Variants in TRIM7 observed in about 807,000 individuals in gnomAD.
TRIM7 encodes E3 ubiquitin-protein ligase TRIM7.
In TRIM7, 32 loss-of-function variants were observed where a neutral mutation model predicts 37.9. The observed-to-expected ratio is 0.84, with a 90% confidence interval of 0.64 to 1.13. The LOEUF (loss-of-function observed/expected upper bound fraction) is 1.13, where lower values mean the gene tolerates loss of function less well. Among genes scored for constraint, TRIM7 ranks in the 50% most tolerant of loss-of-function variants. TRIM7 has a pLI of 0.00. For synonymous variants in TRIM7, 351 were observed against 321.3 expected (o/e 1.09, Z -0.99); for missense variants, 732 against 714.0 (o/e 1.03, Z -0.29).
intron 6 of TRIM7, chr5:181,196,103 C>G: frequency 6.1e-6 from 1 of 162,842 alleles, no homozygotes; most frequent in Non-Finnish European, 1.3e-5. Flanking sequence ...TACAGTAGGC[C>G]AGGCGCAGTG....
intron 6 of TRIM7, chr5:181,197,524 G>C (rs1171229192): frequency 1.3e-5 from 2 of 152,950 alleles, no homozygotes; most frequent in East Asian, 3.8e-4. Flanking sequence ...ACAGCAGGGA[G>C]GATGTGTAGC....
chr5:181,202,812 C>A (rs382686), intron 2 of TRIM7: 58,604 of 151,498 alleles, frequency 0.39, 13,290 homozygotes, highest in African/African-American at 0.65. Flanking sequence ...GATCCGCCCA[C>A]CTCGGCCTCC....
chr5:181,203,712 A>T (rs1757649638), intron 1 of TRIM7, 72 bp from the exon 2 acceptor site: 1 of 1,536,930 alleles, frequency 6.5e-7, no homozygotes, highest in Non-Finnish European at 8.7e-7. Flanking sequence ...GCCTTCCTGG[A>T]GCCAGCCAGG....
chr5:181,196,237 A>T (rs1329749545), intron 6 of TRIM7: 4 of 152,096 alleles, frequency 2.6e-5, no homozygotes, highest in African/African-American at 9.7e-5. Context: ...AAAATAAAAT[A>T]AATTAGCCGG....
chr5:181,204,598 C>A lies in TRIM7; in HGVS notation c.513G>T (p.Gln171His). Reference sequence around the variant, plus strand: ...TGGGGGCTGCGCTCACCTTGGCCTCCTGCACCGCCTCGTCCAGCGGCAGCA... The same window carrying A: ...TGGGGGCTGCGCTCACCTTGGCCTCATGCACCGCCTCGTCCAGCGGCAGCA... The part of the protein sequence containing the change: ...HAVLPLDEAV[Q>H]EAKELLESRL... Residue 171 changes from glutamine to histidine, a missense_variant, in exon 1 of 7, where the codon CAG (glutamine) becomes CAT (histidine). Gln to His is a conservative substitution (Grantham distance 24). Coordinates refer to ENST00000274773, the MANE Select transcript of TRIM7 (RefSeq NM_203293.3). 1 of 1,439,638 alleles carries A rather than the reference C, an allele frequency of 6.9e-7. No homozygotes were observed. Among genetic ancestry groups the A allele is most frequent in the Non-Finnish European group, 9.0e-7 (1 of 1,106,400 alleles). The allele number at this position is 1,439,638 out of a possible 1,614,324, so 89.2% of individuals were successfully genotyped here. A position where few individuals can be genotyped will look rare whatever the true frequency, so the allele number is the denominator to read the frequency against.
chr5:181,199,305 G>A (rs2391741), intron 3 of TRIM7, 188 bp from the exon 4 acceptor site: 37,063 of 645,448 alleles, frequency 0.057, 6,818 homozygotes, highest in African/African-American at 0.49. Context: ...TCTCACCCAC[G>A]CAGTGGACCT....
At chr5:181,201,935 G>A (rs1757512358) in intron 2 of TRIM7, among the ~76,000 whole-genome samples, 1 of 152,190 alleles carries the variant, frequency 6.6e-6, no homozygotes, top group African/African-American at 2.4e-5. Flanking sequence ...CTCCAGTGGA[G>A]GAGGGATGAA....
intron 1 of TRIM7, chr5:181,204,116 C>A: frequency 1.0e-6 from 1 of 997,908 alleles, no homozygotes; most frequent in Non-Finnish European, 1.2e-6. Context: ...CGGCTTAACC[C>A]GGGAGCCCCC....
chr5:181,205,032 C>T lies in TRIM7; in HGVS notation c.79G>A (p.Ala27Thr). ...LALAAELQGEATCSICLELFR... is the reference protein window; with the variant it reads ...LALAAELQGETTCSICLELFR... ...AGCTCTAGGCAGATGGAGCACGTCG[C>T]CTCGCCCTGCAGCTCTGCCGCCAGC... The change falls in exon 1 of 7, where the codon GCG becomes ACG. Residue 27 changes from alanine (A) to threonine (T), a missense_variant. Ala to Thr is a moderately conservative substitution (Grantham distance 58). Transcript: ENST00000274773. 2.1e-6 allele frequency: 3 copies of T among 1,445,290 alleles called. No homozygotes were observed. The highest frequency in any genetic ancestry group is 2.7e-6 in the Non-Finnish European group (3 of 1,105,558). 89.5% of individuals were successfully genotyped at this position (1,445,290 alleles called of 1,614,324 possible).
intron 1 of TRIM7, 157 bp downstream of exon 1, chr5:181,204,432 C>G (rs1757694171): frequency 8.7e-7 from 1 of 1,155,668 alleles, no homozygotes; most frequent in Non-Finnish European, 1.1e-6. Context: ...GCGCTCAGCC[C>G]GGGAACCAGC....
At position 181,195,691 on chromosome 5, in the gene TRIM7, C is replaced by G. The variant is rs1285480156; in HGVS notation, c.1025-14G>C. On this transcript the variant is annotated splice_polypyrimidine_tract_variant and intron_variant, in intron 6 of 6. Coordinates refer to ENST00000274773, the MANE Select transcript of TRIM7 (RefSeq NM_203293.3). ...AGGTGAGCTCCACTGCAGACAGAGACAGGGAGAAATGTCCCCACGCAGCCA... is the reference window on the plus strand; with the variant it reads ...AGGTGAGCTCCACTGCAGACAGAGAGAGGGAGAAATGTCCCCACGCAGCCA... 2.2e-5 allele frequency: 33 copies of G among 1,510,902 alleles called. No homozygotes were observed. In the East Asian group the frequency reaches 7.4e-4, roughly 34 times the overall value. The allele number at this position is 1,510,902 out of a possible 1,614,324, so 93.6% of individuals were successfully genotyped here. A position where few individuals can be genotyped will look rare whatever the true frequency, so the allele number is the denominator to read the frequency against.
Position 181,198,751 on chromosome 5 carries a change from A to G in TRIM7, c.927T>C (p.Asn309=), listed in dbSNP as rs764859133. The part of the protein sequence containing the change: ...KPTTVSSEMK[N]KVWNVSLKTF... ...TCTTGAGAGAAACATTCCAGACTTT[A>G]TTCTTCATCTCAGAAGAGACTGTGG... Residue 309 remains asparagine (N), a synonymous_variant, in exon 5 of 7, where the codon AAT becomes AAC. Coordinates refer to ENST00000274773, the MANE Select transcript of TRIM7 (RefSeq NM_203293.3). 8 of 1,614,138 alleles carry G rather than the reference A, an allele frequency of 5.0e-6. No individual in the cohort carries two copies. The Admixed American group carries it at 1.0e-4, about 20-fold the overall frequency.
At chr5:181,200,707 A>G (rs1757430895) in intron 2 of TRIM7, 8 of 989,304 alleles carry the variant, frequency 8.1e-6, no homozygotes, top group African/African-American at 1.7e-5. Context: ...TTCCATTAAC[A>G]GCATACACCG....
At chr5:181,195,722 C>T (rs1451000695) in intron 6 of TRIM7, 45 bp from the exon 7 acceptor site, 7 of 1,506,184 alleles carry the variant, frequency 4.6e-6, no homozygotes, top group Non-Finnish European at 3.5e-6. Context: ...AGCCAGGCCC[C>T]TGGCACAGTC....
At chr5:181,200,323 G>C (rs1757403448) in intron 2 of TRIM7, 2 of 1,429,940 alleles carry the variant, frequency 1.4e-6, no homozygotes, top group Non-Finnish European at 1.8e-6. Context: ...CTGTGGACCT[G>C]TGCTCCATCA....
chr5:181,202,408 A>G (rs1004464679), intron 2 of TRIM7: 2 of 151,750 alleles, frequency 1.3e-5, no homozygotes, highest in African/African-American at 4.8e-5. Flanking sequence ...GGAATTCCCA[A>G]CCTCAGGTGA....
At position 181,203,543 on chromosome 5, in the gene TRIM7, A is replaced by C. The variant is rs1757637358; in HGVS notation, c.618+2T>G. 6 of 1,614,034 alleles carry C rather than the reference A, an allele frequency of 3.7e-6. No homozygotes were observed. The highest frequency in any genetic ancestry group is 5.1e-6 in the Non-Finnish European group (6 of 1,180,032). ...CGGGGGGCCTGCGGGTGCCTGGCTC[A>C]CCAGCAGCTCCTTGCTCTCCTTCTT... On this transcript the variant is annotated splice_donor_variant, in intron 2 of 6. Coordinates refer to ENST00000274773, the MANE Select transcript of TRIM7 (RefSeq NM_203293.3). LOFTEE classifies it high-confidence loss of function.
intron 2 of TRIM7, among the ~76,000 whole-genome samples, chr5:181,201,595 C>T (rs1757488744): frequency 6.6e-6 from 1 of 152,144 alleles, no homozygotes. Context: ...CCAACCCCAG[C>T]TCTACAAAAA....
At chr5:181,204,494 G>A (rs1757699254) in intron 1 of TRIM7, 95 bp downstream of exon 1, 1 of 1,249,986 alleles carries the variant, frequency 8.0e-7, no homozygotes, top group Non-Finnish European at 1.0e-6. Context: ...CGGGCCTCCT[G>A]ATCGACAGGC....
Sources: gnomAD v4.1 joint callset for allele counts (sites outside exome capture counted in the v4.1 genomes callset) on GRCh38, gnomAD v4.1.1 for gene constraint, MANE v1.5 for transcripts, NCBI Gene and HGNC (gene_info 2026-07-23, HGNC 2026-07-21) for gene names.